The following ITPR2 variants were observed in gnomAD, a reference collection of about 807,000 sequenced individuals.
ITPR2 encodes inositol 1,4,5-trisphosphate-gated calcium channel ITPR2.
In ITPR2, 207 loss-of-function variants were observed where a neutral mutation model predicts 317.1. The ratio of observed to expected loss-of-function variants is 0.65; its 90% CI spans 0.58 to 0.73. ITPR2 has a LOEUF of 0.73. Among genes scored for constraint, ITPR2 ranks in the 30% least tolerant of loss-of-function variants. ITPR2 has a pLI of 0.00. For missense variants in ITPR2, 2,613 were observed against 3,284.0 expected, an observed-to-expected ratio of 0.80 and a Z score of 4.99; for synonymous variants, 1,156 against 1,149.1, an observed-to-expected ratio of 1.01 and a Z score of -0.12.
At chr12:26,351,905 A>T (rs1007937997) in intron 55 of ITPR2, among the ~76,000 whole-genome samples, 3 of 152,250 alleles carry the variant, frequency 2.0e-5, no homozygotes, top group African/African-American at 7.2e-5. Flanking sequence ...TTCTGCAAAT[A>T]ATATGAAGTA....
At position 26,439,319 on chromosome 12, in the gene ITPR2, T is replaced by C; in HGVS notation, c.6451A>G (p.Ile2151Val). ...TCCATGGTCCTATCATGCCGGACAA[T>C]CTGAAAACATTAATTTGCATTGTTT... ...YYANHTAQIE[I>V]VRHDRTMEQI... The change falls in exon 47 of 57, where the codon ATT (isoleucine) becomes GTT (valine). Residue 2151 changes from isoleucine to valine, a missense_variant and splice_region_variant. Physicochemically the swap from Ile to Val is conservative, Grantham distance 29. Transcript: ENST00000381340. 1.9e-6 allele frequency: 3 copies of C among 1,587,060 alleles called. No individual in the cohort carries two copies. Among genetic ancestry groups the C allele is most frequent in the Admixed American group, 1.8e-5 (1 of 55,206 alleles).
intron 2 of ITPR2, among the ~76,000 whole-genome samples, chr12:26,726,580 C>T (rs74858951): frequency 0.014 from 2,097 of 152,224 alleles, 23 homozygotes; most frequent in Non-Finnish European, 0.023. Flanking sequence ...TCATTTTTCT[C>T]ATAAAAAACT....
At chr12:26,611,784 C>T (rs1189565895) in intron 26 of ITPR2, among the ~76,000 whole-genome samples, 2 of 152,196 alleles carry the variant, frequency 1.3e-5, no homozygotes, top group Admixed American at 1.3e-4. Flanking sequence ...AAGGGTAATC[C>T]TGACTTAACC....
chr12:26,814,809 A>C (rs1243512490), intron 1 of ITPR2, among the ~76,000 whole-genome samples: 1 of 152,194 alleles, frequency 6.6e-6, no homozygotes, highest in Non-Finnish European at 1.5e-5. Flanking sequence ...TCATTAGGTA[A>C]ATCTAAGAAG....
intron 55 of ITPR2, among the ~76,000 whole-genome samples, chr12:26,348,207 C>T (rs969053727): frequency 5.3e-5 from 8 of 152,212 alleles, no homozygotes; most frequent in Non-Finnish European, 1.0e-4. Flanking sequence ...CTCTCAAAAG[C>T]CACACAAGTC....
intron 2 of ITPR2, among the ~76,000 whole-genome samples, chr12:26,775,377 A>T (rs982659844): frequency 3.3e-5 from 5 of 152,228 alleles, no homozygotes; most frequent in Admixed American, 2.6e-4. Flanking sequence ...CAATGAGCCA[A>T]TGCAACAAGG....
chr12:26,682,474 G>A (rs555961936), intron 12 of ITPR2, 100 bp downstream of exon 12: 43 of 727,974 alleles, frequency 5.9e-5, no homozygotes, highest in Admixed American at 2.3e-4. Context: ...TAATATTGGT[G>A]AAGATGGAGT....
chr12:26,551,640 G>C (rs1037846353), intron 36 of ITPR2, among the ~76,000 whole-genome samples: 9 of 152,192 alleles, frequency 5.9e-5, no homozygotes, highest in Non-Finnish European at 2.9e-5. Flanking sequence ...TTCTGCTGGG[G>C]GGAATTACCT....
chr12:26,336,507 A>G lies in ITPR2; in HGVS notation c.*2890T>C, dbSNP rs1937921321. 1 of 152,228 alleles carries G rather than the reference A, an allele frequency of 6.6e-6. No homozygotes were observed. Among genetic ancestry groups the G allele is most frequent in the African/African-American group, 2.4e-5 (1 of 41,460 alleles). The allele number at this position is 152,228 out of a possible 1,614,324, so 9.4% of individuals were successfully genotyped here. ...CTTAATTTTTTAAGGGGTAGAAAAT[A>G]TGATAAATTTTGCATACATACAATT... On this transcript the variant is annotated 3_prime_UTR_variant, in exon 57 of 57. Coordinates refer to ENST00000381340, the MANE Select transcript of ITPR2 (RefSeq NM_002223.4).
At chr12:26,421,844 C>G (rs901670662) in intron 49 of ITPR2, among the ~76,000 whole-genome samples, 2 of 152,044 alleles carry the variant, frequency 1.3e-5, no homozygotes, top group Non-Finnish European at 1.5e-5. Context: ...TCAAAGCCAT[C>G]CCTGATACAG....
intron 55 of ITPR2, among the ~76,000 whole-genome samples, chr12:26,347,505 A>G (rs1249781693): frequency 1.3e-5 from 2 of 152,178 alleles, no homozygotes; most frequent in Non-Finnish European, 2.9e-5. Context: ...GACAATACTG[A>G]GGCAAGGGGA....
intron 45 of ITPR2, among the ~76,000 whole-genome samples, chr12:26,459,558 T>C (rs1038729821): frequency 9.2e-5 from 14 of 152,238 alleles, no homozygotes; most frequent in Non-Finnish European, 1.0e-4. Context: ...CCTCGTTTAT[T>C]GAGTTCTTGA....
intron 9 of ITPR2, among the ~76,000 whole-genome samples, chr12:26,709,054 C>A (rs1037142390): frequency 6.6e-6 from 1 of 152,180 alleles, no homozygotes; most frequent in Non-Finnish European, 1.5e-5. Context: ...CACCTCTAGA[C>A]ACTTTCACAC....
chr12:26,581,573 T>TA (rs1298479532), intron 32 of ITPR2, among the ~76,000 whole-genome samples: 2 of 152,172 alleles, frequency 1.3e-5, no homozygotes, highest in Non-Finnish European at 2.9e-5. Context: ...AATGAATTAA[T>TA]AATTTAGTAA....
intron 45 of ITPR2, among the ~76,000 whole-genome samples, chr12:26,474,890 A>G (rs1248631658): frequency 3.9e-5 from 6 of 151,930 alleles, no homozygotes. Context: ...ATGTCAACCT[A>G]CAATTCAAGG....
chr12:26,442,529 C>G (rs1184673342), intron 46 of ITPR2, among the ~76,000 whole-genome samples: 2 of 152,272 alleles, frequency 1.3e-5, no homozygotes, highest in Middle Eastern at 3.4e-3. Context: ...ATTCCCTGGT[C>G]TCTTCTGATC....
chr12:26,605,126 A>AAAAAAAAAAATATATATATATATATATAT (rs1555165395), intron 26 of ITPR2, among the ~76,000 whole-genome samples: 8 of 136,316 alleles, frequency 5.9e-5, no homozygotes, highest in Non-Finnish European at 9.6e-5. Context: ...AAAAAATAAA[A>AAAAAAAAAAATATATATATATATATATAT]ATATATATAT....
At chr12:26,494,427 T>A in intron 38 of ITPR2, 87 bp from the exon 39 acceptor site, 1 of 843,642 alleles carries the variant, frequency 1.2e-6, no homozygotes, top group Non-Finnish European at 1.7e-6. Context: ...TTTATTATTT[T>A]AATAAAAATA....
rs1834189444 is a variant in ITPR2 at position 26,737,202 on chromosome 12, G to A, written c.164-11437C>T. 2.6e-5 allele frequency among the ~76,000 whole-genome samples: 4 copies of A among 151,984 alleles called. No homozygotes were observed. In the South Asian group the frequency reaches 8.3e-4, roughly 32 times the overall value. The stretch of plus-strand genomic sequence containing the variant: ...AGTGCAGCAGGAATCTTGCCTTGGG[G>A]AGGTCTTTCCCAAATACTACCTTCT... On this transcript the variant is annotated intron_variant, in intron 2 of 56. Coordinates refer to ENST00000381340, the MANE Select transcript of ITPR2 (RefSeq NM_002223.4).
Sources: gnomAD v4.1 joint callset for allele counts (sites outside exome capture counted in the v4.1 genomes callset) on GRCh38, gnomAD v4.1.1 for gene constraint, MANE v1.5 for transcripts, NCBI Gene and HGNC (gene_info 2026-07-23, HGNC 2026-07-21) for gene names.